The following SLC9C1 variants were observed in gnomAD, a reference collection of about 807,000 sequenced individuals.
The protein encoded by SLC9C1 is solute carrier family 9 member C1, also known as sodium/hydrogen exchanger 10.
Under a neutral mutation model 140.9 loss-of-function variants are expected in SLC9C1, and 97 were observed. That is an observed-to-expected ratio of 0.69 (90% confidence interval 0.58 to 0.82). SLC9C1 has a LOEUF of 0.82. Ranked by LOEUF, SLC9C1 falls within the 40% of genes least tolerant of loss-of-function variation. SLC9C1 has a pLI of 0.00. For missense variants in SLC9C1, 1,340 were observed against 1,389.3 expected (o/e 0.96, Z 0.56); for synonymous variants, 440 against 442.6 (o/e 0.99, Z 0.07).
intron 12 of SLC9C1, among the ~76,000 whole-genome samples, chr3:112,239,376 C>G (rs7649200): frequency 0.91 from 139,003 of 152,262 alleles, 63,693 homozygotes; most frequent in East Asian, 1. Flanking sequence ...GGCTACGAAA[C>G]GGAATTCCCT....
intron 20 of SLC9C1, among the ~76,000 whole-genome samples, chr3:112,193,283 T>A (rs548240644): frequency 3.3e-5 from 5 of 152,350 alleles, no homozygotes; most frequent in Non-Finnish European, 7.4e-5. Flanking sequence ...GGTCTGTTAC[T>A]CTGGCCAGGG....
At chr3:112,291,005 C>T (rs1050188135) in intron 1 of SLC9C1, among the ~76,000 whole-genome samples, 4 of 152,114 alleles carry the variant, frequency 2.6e-5, no homozygotes, top group African/African-American at 4.8e-5. Context: ...CATCCTGACA[C>T]TCTGTGCCTT....
chr3:112,251,097 G>C lies in SLC9C1; in HGVS notation c.1198-7021C>G, dbSNP rs116737281. ...ATTGGGAAACTGACCAAGATGGCTGGCTAGAAGCAGCTAGTATGCACCTCT... is the reference window on the plus strand; with the variant it reads ...ATTGGGAAACTGACCAAGATGGCTGCCTAGAAGCAGCTAGTATGCACCTCT... On this transcript the variant is annotated intron_variant, in intron 10 of 28. Transcript: ENST00000305815. Among the ~76,000 whole-genome samples, 913 of 152,260 alleles carry C rather than the reference G, an allele frequency of 6.0e-3. 12 individuals are homozygous for C. The highest frequency in any genetic ancestry group is 0.021 in the African/African-American group (873 of 41,536).
chr3:112,156,018 A>T (rs1467179803), intron 26 of SLC9C1, among the ~76,000 whole-genome samples: 2 of 152,026 alleles, frequency 1.3e-5, no homozygotes, highest in African/African-American at 2.4e-5. Flanking sequence ...TGGGAAGATT[A>T]CAATTCTTCT....
intron 26 of SLC9C1, among the ~76,000 whole-genome samples, chr3:112,157,678 G>A (rs2075165894): frequency 6.6e-6 from 1 of 151,460 alleles, no homozygotes; most frequent in South Asian, 2.1e-4. Flanking sequence ...AATTTTTTGT[G>A]TTCCTTCTTT....
At chr3:112,274,853 A>G in intron 6 of SLC9C1, 44 bp downstream of exon 6, 1 of 1,422,004 alleles carries the variant, frequency 7.0e-7, no homozygotes. Context: ...TTCAGAAAAT[A>G]CAGGATTCTG....
intron 16 of SLC9C1, among the ~76,000 whole-genome samples, chr3:112,207,785 G>A (rs1454332135): frequency 1.3e-5 from 2 of 152,042 alleles, no homozygotes; most frequent in African/African-American, 4.8e-5. Flanking sequence ...AGCTCCTTCT[G>A]TCTGTTCCCA....
chr3:112,234,835 G>T (rs1214972018), intron 12 of SLC9C1, among the ~76,000 whole-genome samples: 4 of 151,908 alleles, frequency 2.6e-5, no homozygotes, highest in African/African-American at 9.7e-5. Flanking sequence ...CCATTGTCTA[G>T]ATCTCTGTTT....
At chr3:112,216,621 C>G (rs886620255) in intron 15 of SLC9C1, among the ~76,000 whole-genome samples, 10 of 152,236 alleles carry the variant, frequency 6.6e-5, no homozygotes, top group Non-Finnish European at 1.2e-4. Flanking sequence ...CATCATCACT[C>G]GCCATCAGAG....
chr3:112,256,206 ACTC>A (rs1235552335), intron 10 of SLC9C1, among the ~76,000 whole-genome samples: 1 of 151,984 alleles, frequency 6.6e-6, no homozygotes. Flanking sequence ...AGAAGGAAAA[ACTC>A]CTCCCCAAAT....
At chr3:112,229,547 T>C (rs1007823490) in intron 13 of SLC9C1, among the ~76,000 whole-genome samples, 1 of 151,994 alleles carries the variant, frequency 6.6e-6, no homozygotes, top group African/African-American at 2.4e-5. Context: ...TTTGAAAAGG[T>C]AAAATTTAAT....
chr3:112,160,466 G>A (rs2075263675), intron 26 of SLC9C1, among the ~76,000 whole-genome samples: 1 of 135,632 alleles, frequency 7.4e-6, no homozygotes, highest in Non-Finnish European at 1.5e-5. Context: ...TCCCCTTCCT[G>A]TGTCCATGTG....
At chr3:112,177,397 G>A (rs748897654) in intron 23 of SLC9C1, among the ~76,000 whole-genome samples, 4 of 151,718 alleles carry the variant, frequency 2.6e-5, no homozygotes, top group African/African-American at 4.8e-5. Flanking sequence ...CTCAACCAAG[G>A]ACTTGTAGAG....
At chr3:112,176,925 G>A (rs1054145503) in intron 23 of SLC9C1, among the ~76,000 whole-genome samples, 3 of 151,546 alleles carry the variant, frequency 2.0e-5, no homozygotes, top group African/African-American at 7.3e-5. Flanking sequence ...TCTCAGCTGT[G>A]GGCCTGAGAT....
At chr3:112,292,233 A>G (rs1169910672) in intron 1 of SLC9C1, among the ~76,000 whole-genome samples, 2 of 152,232 alleles carry the variant, frequency 1.3e-5, no homozygotes, top group Non-Finnish European at 2.9e-5. Context: ...TACCCATATA[A>G]CAAACCTGCA....
At chr3:112,267,166 CTACT>C (rs2079941220) in intron 7 of SLC9C1, among the ~76,000 whole-genome samples, 1 of 152,070 alleles carries the variant, frequency 6.6e-6, no homozygotes, top group South Asian at 2.1e-4. Flanking sequence ...GTAGTACCAG[CTACT>C]TAGGAGGCTG....
chr3:112,216,888 A>G lies in SLC9C1; in HGVS notation c.1790+554T>C, dbSNP rs538714074. Among the ~76,000 whole-genome samples the G allele has an allele frequency of 1.1e-3, 162 of 152,280 alleles. No individual in the cohort carries two copies. The East Asian group carries it at 0.022, about 21-fold the overall frequency. ...CCAAAGGATTATAAATCATGCTGCTATAAAGACACATGCACACATATGTTT... is the reference window on the plus strand; with the variant it reads ...CCAAAGGATTATAAATCATGCTGCTGTAAAGACACATGCACACATATGTTT... On this transcript the variant is annotated intron_variant, in intron 15 of 28. Coordinates refer to ENST00000305815, the MANE Select transcript of SLC9C1 (RefSeq NM_183061.3).
At chr3:112,152,134 T>G (rs1035485347) in intron 27 of SLC9C1, among the ~76,000 whole-genome samples, 171 bp from the exon 28 acceptor site, 1 of 152,090 alleles carries the variant, frequency 6.6e-6, no homozygotes, top group Admixed American at 6.5e-5. Context: ...GGACCTGCAC[T>G]CAGCATAGGG....
chr3:112,240,312 C>G (rs1041112211), intron 11 of SLC9C1, among the ~76,000 whole-genome samples: 4 of 152,166 alleles, frequency 2.6e-5, no homozygotes, highest in Non-Finnish European at 5.9e-5. Flanking sequence ...TGAGGTGAGT[C>G]CTTTTTCCCA....
Sources: allele counts gnomAD v4.1 joint callset (sites outside exome capture counted in the v4.1 genomes callset), GRCh38; gene constraint gnomAD v4.1.1; transcripts MANE v1.5; gene names NCBI Gene and HGNC (gene_info 2026-07-23, HGNC 2026-07-21).